The following NECAB1 variants were observed in gnomAD, a reference collection of about 807,000 sequenced individuals.
NECAB1 encodes N-terminal EF-hand calcium binding protein 1, also known as N-terminal EF-hand calcium-binding protein 1.
NECAB1 carries 29 observed loss-of-function variants against 57.5 expected under a neutral mutation model. The ratio of observed to expected loss-of-function variants is 0.50; its 90% confidence interval spans 0.38 to 0.69. The LOEUF is 0.69. Among genes scored for constraint, NECAB1 ranks in the 30% least tolerant of loss-of-function variants. The pLI is 0.00. For synonymous variants in NECAB1, 142 were observed against 147.7 expected, an observed-to-expected ratio of 0.96 and a Z score of 0.28; for missense variants, 372 against 413.8, an observed-to-expected ratio of 0.90 and a Z score of 0.88.
At position 90,900,871 on chromosome 8, in the gene NECAB1, T is replaced by C. The variant is rs568620873; in HGVS notation, c.358-16621T>C. Reference sequence around the variant, plus strand: ...ACTTGAAATTTCTTTTTGTTGTTTGTATAATAACTGAATTAGTTTTGCTCC... The same window carrying C: ...ACTTGAAATTTCTTTTTGTTGTTTGCATAATAACTGAATTAGTTTTGCTCC... On this transcript the variant is annotated intron_variant, in intron 5 of 12. Coordinates refer to ENST00000417640, the MANE Select transcript of NECAB1 (RefSeq NM_022351.5). Among the ~76,000 whole-genome samples the C allele has an allele frequency of 9.2e-5, 14 of 152,344 alleles. 2 individuals are homozygous for C. The South Asian group carries it at 2.7e-3, about 29-fold the overall frequency.
intron 3 of NECAB1, among the ~76,000 whole-genome samples, chr8:90,852,257 T>G (rs1374325013): frequency 6.6e-6 from 1 of 152,084 alleles, no homozygotes; most frequent in Non-Finnish European, 1.5e-5. Flanking sequence ...TACTGTCACC[T>G]CCTTTAAAAT....
intron 1 of NECAB1, among the ~76,000 whole-genome samples, chr8:90,801,475 T>C (rs1811756243): frequency 6.6e-6 from 1 of 152,224 alleles, no homozygotes; most frequent in Admixed American, 6.5e-5. Context: ...TGTATGGCTA[T>C]ACCACAGTTG....
chr8:90,926,195 T>G (rs114223630), intron 7 of NECAB1, among the ~76,000 whole-genome samples: 1,899 of 152,334 alleles, frequency 0.012, 38 homozygotes, highest in African/African-American at 0.043. Context: ...ATTTGAAATA[T>G]GCAAACTCAT....
intron 6 of NECAB1, among the ~76,000 whole-genome samples, chr8:90,921,795 T>C (rs1810120790): frequency 6.6e-6 from 1 of 152,232 alleles, no homozygotes; most frequent in South Asian, 2.1e-4. Context: ...TTGTGAAACC[T>C]AGGGATACAA....
intron 1 of NECAB1, among the ~76,000 whole-genome samples, chr8:90,801,075 TTTTTC>T (rs1204204035): frequency 6.6e-6 from 1 of 152,204 alleles, no homozygotes; most frequent in East Asian, 1.9e-4. Context: ...TGATGTATTA[TTTTTC>T]TTTTATGTTT....
chr8:90,947,367 G>T (rs1810834031), intron 10 of NECAB1, among the ~76,000 whole-genome samples: 1 of 136,292 alleles, frequency 7.3e-6, no homozygotes, highest in Non-Finnish European at 1.6e-5. Flanking sequence ...GCCAAGTACT[G>T]AGTTAAGAAT....
At chr8:90,842,546 A>T (rs541096670) in intron 3 of NECAB1, among the ~76,000 whole-genome samples, 1 of 152,216 alleles carries the variant, frequency 6.6e-6, no homozygotes, top group Admixed American at 6.5e-5. Flanking sequence ...TGTTTGTTTC[A>T]TGTGGGCTGC....
At chr8:90,863,038 G>T (rs1367353707) in intron 3 of NECAB1, among the ~76,000 whole-genome samples, 1 of 151,896 alleles carries the variant, frequency 6.6e-6, no homozygotes, top group Admixed American at 6.6e-5. Flanking sequence ...CAGAAAAATC[G>T]ATTGTCCCCC....
chr8:90,839,348 A>G (rs544758207), intron 3 of NECAB1, among the ~76,000 whole-genome samples: 20 of 152,314 alleles, frequency 1.3e-4, no homozygotes, highest in African/African-American at 4.8e-4. Context: ...TGTATTGCCT[A>G]TACAAACTGA....
chr8:90,912,341 T>C (rs1487915980), intron 5 of NECAB1, among the ~76,000 whole-genome samples: 3 of 152,138 alleles, frequency 2.0e-5, no homozygotes, highest in Middle Eastern at 3.2e-3. Flanking sequence ...CAAAATAAGT[T>C]CTTGATGACT....
chr8:90,795,434 T>C (rs1811644343), intron 1 of NECAB1, among the ~76,000 whole-genome samples: 1 of 152,156 alleles, frequency 6.6e-6, no homozygotes, highest in South Asian at 2.1e-4. Flanking sequence ...TGAATGACTT[T>C]ACTGCTTGTC....
Position 90,841,215 on chromosome 8 carries a change from G to A in NECAB1, c.233+16390G>A, listed in dbSNP as rs191303531. ...GCGGAGCTTGCAGTGAGCCGAGATC[G>A]CATCACTGCACTCCAGCCTAGGTGA... is the stretch of plus-strand genomic sequence containing the variant. On this transcript the variant is annotated intron_variant, in intron 3 of 12. Coordinates refer to ENST00000417640, the MANE Select transcript of NECAB1 (RefSeq NM_022351.5). 1.3e-3 allele frequency among the ~76,000 whole-genome samples: 199 copies of A among 151,564 alleles called. 2 individuals carry two copies. The highest frequency in any genetic ancestry group is 4.2e-3 in the African/African-American group (174 of 41,292).
chr8:90,818,775 T>C (rs918880300), intron 2 of NECAB1, among the ~76,000 whole-genome samples: 1 of 151,958 alleles, frequency 6.6e-6, no homozygotes, highest in Non-Finnish European at 1.5e-5. Context: ...GGATCAGTGG[T>C]TTGGTTTCTG....
chr8:90,942,869 G>A (rs1031551923), intron 10 of NECAB1, among the ~76,000 whole-genome samples: 31 of 152,022 alleles, frequency 2.0e-4, no homozygotes, highest in African/African-American at 7.0e-4. Flanking sequence ...ATGACAGAAC[G>A]AGACTCTGTT....
intron 2 of NECAB1, among the ~76,000 whole-genome samples, chr8:90,801,972 T>C (rs1262607469): frequency 6.6e-6 from 1 of 152,226 alleles, no homozygotes; most frequent in East Asian, 1.9e-4. Flanking sequence ...CTTTTCCTTT[T>C]CATGCACCAA....
intron 7 of NECAB1, among the ~76,000 whole-genome samples, chr8:90,928,008 C>T (rs1810317558): frequency 9.9e-6 from 1 of 100,938 alleles, no homozygotes; most frequent in African/African-American, 8.1e-5. Context: ...TAGGCAATTA[C>T]ATTAAAAAAC....
chr8:90,935,083 G>C (rs1810503384), intron 9 of NECAB1, among the ~76,000 whole-genome samples: 4 of 152,086 alleles, frequency 2.6e-5, no homozygotes, highest in Admixed American at 1.3e-4. Context: ...GGGTAACTAG[G>C]AGAAAAATCA....
intron 5 of NECAB1, among the ~76,000 whole-genome samples, chr8:90,886,664 C>T (rs945714522): frequency 2.0e-5 from 3 of 151,946 alleles, no homozygotes; most frequent in African/African-American, 4.8e-5. Flanking sequence ...GGATTACAGG[C>T]GAGAGCCACA....
intron 1 of NECAB1, 92 bp from the exon 2 acceptor site, chr8:90,801,599 T>G: frequency 1.3e-6 from 1 of 797,372 alleles, no homozygotes. Context: ...GAATGTATTT[T>G]ATTTAATTAT....
Sources: gnomAD v4.1 joint callset for allele counts (sites outside exome capture counted in the v4.1 genomes callset) on GRCh38, gnomAD v4.1.1 for gene constraint, MANE v1.5 for transcripts, NCBI Gene and HGNC (gene_info 2026-07-23, HGNC 2026-07-21) for gene names.